FILIP1L: variants seen among roughly 807,000 people sequenced by gnomAD.
The protein encoded by FILIP1L is filamin A interacting protein 1 like.
Under a neutral mutation model 96.6 loss-of-function variants are expected in FILIP1L, and 55 were observed. The observed-to-expected ratio is 0.57, with a 90% confidence interval of 0.46 to 0.71. The LOEUF is 0.71. Among genes scored for constraint, FILIP1L ranks in the 30% least tolerant of loss-of-function variants. The probability of loss-of-function intolerance (pLI) is 0.00; values close to 1 mark genes in which losing one functional copy is unlikely to be tolerated. For synonymous variants in FILIP1L, 467 were observed against 473.9 expected (o/e 0.99, Z 0.19); for missense variants, 1,304 against 1,321.2 (o/e 0.99, Z 0.20).
chr3:99,992,805 A>G (rs1709562751), intron 1 of FILIP1L, among the ~76,000 whole-genome samples: 1 of 151,978 alleles, frequency 6.6e-6, no homozygotes, highest in Non-Finnish European at 1.5e-5. Context: ...CAGATCTTAC[A>G]TTTAGATCTT....
intron 1 of FILIP1L, chr3:100,109,903 A>ACCGCCC (rs1491348077): frequency 1.4e-5 from 1 of 72,322 alleles, no homozygotes; most frequent in African/African-American, 5.7e-5. Context: ...TTCTTTTATG[A>ACCGCCC]CCCCCCCCCC....
chr3:99,899,431 T>C (rs2107624470), intron 4 of FILIP1L, among the ~76,000 whole-genome samples: 1 of 152,346 alleles, frequency 6.6e-6, no homozygotes, highest in Non-Finnish European at 1.5e-5. Context: ...TTGGAAATTA[T>C]TCTACCTAAA....
At chr3:100,040,181 G>A (rs1049839409) in intron 1 of FILIP1L, 3 of 151,950 alleles carry the variant, frequency 2.0e-5, no homozygotes, top group Admixed American at 1.3e-4. Context: ...AGGAACCTAA[G>A]ACAATCTCTG....
At chr3:99,861,160 A>G (rs1944233654) in intron 4 of FILIP1L, among the ~76,000 whole-genome samples, 1 of 151,662 alleles carries the variant, frequency 6.6e-6, no homozygotes, top group African/African-American at 2.4e-5. Flanking sequence ...TCTTTTCCAT[A>G]CTTTCCATTT....
intron 5 of FILIP1L, among the ~76,000 whole-genome samples, chr3:99,839,741 T>G (rs1943048017): frequency 6.6e-6 from 1 of 152,224 alleles, no homozygotes; most frequent in Non-Finnish European, 1.5e-5. Context: ...ATGAACATGC[T>G]CTCAGCCAGT....
intron 1 of FILIP1L, among the ~76,000 whole-genome samples, chr3:100,037,224 T>C (rs2065122607): frequency 6.6e-6 from 1 of 151,948 alleles, no homozygotes; most frequent in African/African-American, 2.4e-5. Flanking sequence ...CTTAGGAAAA[T>C]ACATTGTAAT....
chr3:100,031,982 T>TG (rs1438270842), intron 1 of FILIP1L, among the ~76,000 whole-genome samples: 1 of 152,194 alleles, frequency 6.6e-6, no homozygotes, highest in African/African-American at 2.4e-5. Context: ...TTTTCATGCA[T>TG]CATGAAAAAT....
At chr3:100,050,685 C>G (rs1392078718) in intron 1 of FILIP1L, among the ~76,000 whole-genome samples, 2 of 152,144 alleles carry the variant, frequency 1.3e-5, no homozygotes, top group Admixed American at 1.3e-4. Flanking sequence ...TGTGCGCCAC[C>G]TTGCCTGGCT....
intron 1 of FILIP1L, among the ~76,000 whole-genome samples, chr3:100,046,505 G>T (rs975446067): frequency 3.3e-5 from 5 of 151,758 alleles, no homozygotes; most frequent in African/African-American, 1.2e-4. Context: ...TGTATATACA[G>T]AGATTATAAA....
intron 1 of FILIP1L, among the ~76,000 whole-genome samples, chr3:99,948,691 AAGGAGAG>A (rs1038557734): frequency 3.3e-5 from 5 of 149,430 alleles, no homozygotes; most frequent in African/African-American, 1.2e-4. Flanking sequence ...GAAGAGGAGA[AAGGAGAG>A]AGAAAGGGAG....
chr3:99,834,636 T>C (rs1261493711), intron 5 of FILIP1L, among the ~76,000 whole-genome samples: 1 of 152,244 alleles, frequency 6.6e-6, no homozygotes, highest in Non-Finnish European at 1.5e-5. Flanking sequence ...TTTTTTCCTT[T>C]TACTCAGCTT....
At chr3:99,924,202 G>T in intron 4 of FILIP1L, 28 bp downstream of exon 4, 1 of 1,599,780 alleles carries the variant, frequency 6.3e-7, no homozygotes, top group Non-Finnish European at 8.5e-7. Context: ...TTGCAGAATG[G>T]GACATTGTTT....
chr3:100,025,995 C>T (rs1051544980), intron 1 of FILIP1L, among the ~76,000 whole-genome samples: 7 of 152,092 alleles, frequency 4.6e-5, no homozygotes, highest in African/African-American at 1.7e-4. Context: ...TACCTTACCT[C>T]GCTCCCAGGC....
intron 4 of FILIP1L, 136 bp from the exon 5 acceptor site, chr3:99,851,206 T>G: frequency 1.5e-6 from 1 of 657,464 alleles, no homozygotes. Flanking sequence ...GCAAAAGAGT[T>G]CCTGAATTTG....
intron 1 of FILIP1L, among the ~76,000 whole-genome samples, chr3:100,000,223 C>A (rs1460359835): frequency 1.3e-5 from 2 of 152,228 alleles, no homozygotes; most frequent in Non-Finnish European, 2.9e-5. Context: ...TTATCACCTC[C>A]TCAGTAATAT....
At chr3:99,970,638 A>G (rs1347849491) in intron 1 of FILIP1L, among the ~76,000 whole-genome samples, 1 of 152,254 alleles carries the variant, frequency 6.6e-6, no homozygotes, top group South Asian at 2.1e-4. Flanking sequence ...CAGGGTCACA[A>G]GAGTTTAAAA....
intron 4 of FILIP1L, among the ~76,000 whole-genome samples, chr3:99,869,617 CT>C (rs577930971): frequency 2.0e-4 from 30 of 152,256 alleles, no homozygotes; most frequent in African/African-American, 6.0e-4. Context: ...AAACCAGCAA[CT>C]TTCTCATGTT....
chr3:100,018,976 AAATC>A (rs1482362168), intron 1 of FILIP1L, among the ~76,000 whole-genome samples: 1 of 152,336 alleles, frequency 6.6e-6, no homozygotes, highest in East Asian at 1.9e-4. Context: ...AAGGAAATAT[AAATC>A]AAAACCACAG....
At chr3:99,959,616 T>C (rs1708435393) in intron 1 of FILIP1L, among the ~76,000 whole-genome samples, 1 of 152,218 alleles carries the variant, frequency 6.6e-6, no homozygotes, top group Non-Finnish European at 1.5e-5. Context: ...ATAAATTGAA[T>C]TTAGTAATCT....
Sources: allele counts gnomAD v4.1 joint callset (sites outside exome capture counted in the v4.1 genomes callset), GRCh38; gene constraint gnomAD v4.1.1; transcripts MANE v1.5; gene names NCBI Gene and HGNC (gene_info 2026-07-23, HGNC 2026-07-21).